The following KCNH5 variants were observed in gnomAD, a reference collection of about 807,000 sequenced individuals.
KCNH5 encodes the protein voltage-gated delayed rectifier potassium channel KCNH5.
A neutral mutation model predicts 96.1 loss-of-function variants in KCNH5; 46 were observed. The ratio of observed to expected loss-of-function variants is 0.48; its 90% CI spans 0.38 to 0.61. KCNH5 has a LOEUF of 0.61. Ranked by LOEUF, KCNH5 falls within the 20% of genes least tolerant of loss-of-function variation. KCNH5 has a pLI of 0.00. For missense variants in KCNH5, 907 were observed against 1,225.8 expected (o/e 0.74, Z 3.88); for synonymous variants, 439 against 449.8 (o/e 0.98, Z 0.30).
chr14:62,890,698 C>CAAAAAAAAAA (rs1277209731), intron 7 of KCNH5, among the ~76,000 whole-genome samples: 1 of 55,898 alleles, frequency 1.8e-5, no homozygotes, highest in Admixed American at 1.8e-4. Context: ...GACTCCGTCT[C>CAAAAAAAAAA]AAAAAAAAAA....
chr14:62,810,393 G>A lies in KCNH5; in HGVS notation c.1570-7812C>T, dbSNP rs559336628. 1.2e-3 allele frequency among the ~76,000 whole-genome samples: 175 copies of A among 152,104 alleles called. 3 individuals are homozygous for A. In the South Asian group the frequency reaches 0.014, roughly 12 times the overall value. On this transcript the variant is annotated intron_variant, in intron 8 of 10. Coordinates refer to ENST00000322893, the MANE Select transcript of KCNH5 (RefSeq NM_139318.5). ...GGAGGGGGAAATGTCAGAGGGATGC[G>A]AACTAGAACAAGTCCATCTTGAATA...
At chr14:62,909,336 C>T (rs1333827481) in intron 7 of KCNH5, among the ~76,000 whole-genome samples, 1 of 151,970 alleles carries the variant, frequency 6.6e-6, no homozygotes, top group Non-Finnish European at 1.5e-5. Context: ...TGAGCCACCG[C>T]GCCCGGCCTA....
intron 6 of KCNH5, among the ~76,000 whole-genome samples, chr14:62,967,519 T>C (rs1430286869): frequency 6.6e-6 from 1 of 152,078 alleles, no homozygotes; most frequent in Non-Finnish European, 1.5e-5. Context: ...TTGTTAACCC[T>C]TTACCTAAAT....
intron 7 of KCNH5, among the ~76,000 whole-genome samples, chr14:62,913,523 G>A (rs1229058285): frequency 5.4e-5 from 8 of 149,022 alleles, no homozygotes; most frequent in Non-Finnish European, 8.8e-5. Flanking sequence ...ACTGCGCCCG[G>A]CCAAAACTTT....
chr14:62,723,783 A>T lies in KCNH5; in HGVS notation c.2020-15328T>A, dbSNP rs1884865194. Among the ~76,000 whole-genome samples the T allele has an allele frequency of 2.0e-5, 3 of 152,204 alleles. No individual in the cohort carries two copies. The South Asian group carries it at 6.2e-4, about 31-fold the overall frequency. ...ATCTACTTAAGGTAAATCATTCTTT[A>T]TTTTATCAGAATAGTGTAGCTATTC... is the stretch of plus-strand genomic sequence containing the variant. On this transcript the variant is annotated intron_variant, in intron 10 of 10. Transcript: ENST00000322893.
intron 1 of KCNH5, 97 bp from the exon 2 acceptor site, chr14:63,017,051 A>G: frequency 8.5e-7 from 1 of 1,170,164 alleles, no homozygotes; most frequent in Non-Finnish European, 1.2e-6. Flanking sequence ...AGATGGACAC[A>G]TACAACTATG....
At chr14:62,790,079 G>C (rs950668785) in intron 9 of KCNH5, among the ~76,000 whole-genome samples, 1 of 139,362 alleles carries the variant, frequency 7.2e-6, no homozygotes, top group Non-Finnish European at 1.6e-5. Context: ...TTTTTTTTTT[G>C]TATGGGTGGA....
chr14:63,024,631 C>G (rs777402198), intron 1 of KCNH5, among the ~76,000 whole-genome samples: 2 of 151,940 alleles, frequency 1.3e-5, no homozygotes, highest in Non-Finnish European at 2.9e-5. Flanking sequence ...AGGATCATAA[C>G]TATTATGAAC....
At chr14:62,989,147 C>T (rs1890764555) in intron 4 of KCNH5, among the ~76,000 whole-genome samples, 1 of 151,968 alleles carries the variant, frequency 6.6e-6, no homozygotes, top group South Asian at 2.1e-4. Context: ...GTCTTTCACC[C>T]GAGTTAGGCA....
rs926881764 is a variant in KCNH5, at chr14:62,853,247, G to A, written c.1370-3395C>T. 9.9e-5 allele frequency among the ~76,000 whole-genome samples: 15 copies of A among 151,828 alleles called. No homozygotes were observed. In the East Asian group the frequency reaches 2.3e-3, roughly 24 times the overall value. ...GCATCCTTGCAGTCTCTAAGAGTGC[G>A]TGTCTTTGGACCAATTACTAAACCT... On this transcript the variant is annotated intron_variant, in intron 7 of 10. Coordinates refer to ENST00000322893, the MANE Select transcript of KCNH5 (RefSeq NM_139318.5).
chr14:62,800,150 C>A (rs1049961896), intron 9 of KCNH5, among the ~76,000 whole-genome samples: 4 of 150,934 alleles, frequency 2.7e-5, no homozygotes, highest in Non-Finnish European at 5.9e-5. Context: ...TTTTCAGAGC[C>A]TATAGAAAAA....
intron 3 of KCNH5, among the ~76,000 whole-genome samples, chr14:63,005,707 T>C (rs1260361550): frequency 6.6e-6 from 1 of 152,234 alleles, no homozygotes; most frequent in African/African-American, 2.4e-5. Context: ...GTTTTTGTCA[T>C]GTTGGTTTTT....
intron 10 of KCNH5, among the ~76,000 whole-genome samples, chr14:62,714,524 T>G (rs1884642954): frequency 6.6e-6 from 1 of 152,144 alleles, no homozygotes; most frequent in African/African-American, 2.4e-5. Context: ...AACTGGCAAA[T>G]TGTAACTCAA....
chr14:62,751,851 A>G (rs1885507208), intron 10 of KCNH5, among the ~76,000 whole-genome samples: 1 of 152,224 alleles, frequency 6.6e-6, no homozygotes, highest in South Asian at 2.1e-4. Flanking sequence ...GCTGCTTTTT[A>G]TAGCTTCCTA....
In KCNH5 at chr14:62,917,269, T is replaced by C. The variant is rs989681919; in HGVS notation, c.1369+32864A>G. ...ACGAGACTGAGCTCTGCTTATTTCA[T>C]TGCAAGACCTGAAATCATGTGTTTA... is the stretch of plus-strand genomic sequence containing the variant. On this transcript the variant is annotated intron_variant, in intron 7 of 10. Transcript: ENST00000322893. 5.3e-5 allele frequency among the ~76,000 whole-genome samples: 8 copies of C among 152,272 alleles called. No individual in the cohort carries two copies. In the East Asian group the frequency reaches 7.7e-4, roughly 15 times the overall value.
intron 4 of KCNH5, among the ~76,000 whole-genome samples, chr14:62,988,828 T>C (rs1890758414): frequency 6.6e-6 from 1 of 152,060 alleles, no homozygotes; most frequent in Non-Finnish European, 1.5e-5. Flanking sequence ...AGCTAGCCAC[T>C]GGACTTTTCT....
At chr14:62,976,232 C>T (rs190045997) in intron 6 of KCNH5, among the ~76,000 whole-genome samples, 1 of 151,844 alleles carries the variant, frequency 6.6e-6, no homozygotes, top group Non-Finnish European at 1.5e-5. Flanking sequence ...AACCCTGTCT[C>T]TACTAAAAAT....
chr14:62,905,421 T>C lies in KCNH5; in HGVS notation c.1369+44712A>G, dbSNP rs190099772. Among the ~76,000 whole-genome samples the C allele has an allele frequency of 3.0e-3, 453 of 152,276 alleles. 2 individuals are homozygous for C. The highest frequency in any genetic ancestry group is 4.9e-3 in the Non-Finnish European group (333 of 68,016). On this transcript the variant is annotated intron_variant, in intron 7 of 10. Transcript: ENST00000322893. ...TTTGGACTTAATTCCATAGTAACTA[T>C]AAGATAAAAGTTTGGATTTGTTCTT...
chr14:62,843,791 G>C (rs1328476285), intron 8 of KCNH5, among the ~76,000 whole-genome samples: 6 of 151,946 alleles, frequency 3.9e-5, no homozygotes, highest in Non-Finnish European at 8.8e-5. Flanking sequence ...CTTCAACTAT[G>C]ATATATACCA....
Sources: allele counts gnomAD v4.1 joint callset (sites outside exome capture counted in the v4.1 genomes callset), GRCh38; gene constraint gnomAD v4.1.1; transcripts MANE v1.5; gene names NCBI Gene and HGNC (gene_info 2026-07-23, HGNC 2026-07-21).